SLC24A3: variants seen among roughly 807,000 people sequenced by gnomAD.
SLC24A3 encodes the protein sodium/potassium/calcium exchanger 3.
In SLC24A3, 28 loss-of-function variants were observed where a neutral mutation model predicts 75.8. The observed-to-expected ratio is 0.37, with a 90% CI of 0.27 to 0.51. The LOEUF is 0.51. Among genes scored for constraint, SLC24A3 ranks in the 20% least tolerant of loss-of-function variants. SLC24A3 has a pLI of 0.94. For missense variants in SLC24A3, 663 were observed against 847.8 expected, an observed-to-expected ratio of 0.78 and a Z score of 2.71; for synonymous variants, 372 against 334.1, an observed-to-expected ratio of 1.11 and a Z score of -1.24.
At chr20:19,677,364 A>G (rs937635496) in intron 9 of SLC24A3, among the ~76,000 whole-genome samples, 5 of 151,912 alleles carry the variant, frequency 3.3e-5, no homozygotes, top group South Asian at 2.1e-4. Context: ...CTAAGTCAAG[A>G]TGACAGAAAC....
At position 19,221,101 on chromosome 20, in the gene SLC24A3, A is replaced by C. The variant is rs574389219; in HGVS notation, c.142+8117A>C. ...TAGAGACAGGATCTTGCTGTTGCCT[A>C]GGCTGGAGTGTAGTAGCATGAACAT... On this transcript the variant is annotated intron_variant, in intron 1 of 16. Coordinates refer to ENST00000328041, the MANE Select transcript of SLC24A3 (RefSeq NM_020689.4). 2.2e-4 allele frequency among the ~76,000 whole-genome samples: 33 copies of C among 152,280 alleles called. 1 individual carries two copies. The South Asian group carries it at 6.6e-3, about 31-fold the overall frequency.
chr20:19,614,998 A>T (rs999859672), intron 6 of SLC24A3, among the ~76,000 whole-genome samples: 8 of 152,214 alleles, frequency 5.3e-5, no homozygotes, highest in Non-Finnish European at 7.3e-5. Context: ...TTAAAGCCGT[A>T]ATCTTTTAAG....
intron 2 of SLC24A3, among the ~76,000 whole-genome samples, chr20:19,376,870 G>A (rs961099747): frequency 2.0e-5 from 3 of 152,218 alleles, no homozygotes; most frequent in Non-Finnish European, 4.4e-5. Context: ...GCCGTCACCA[G>A]CGAGCAGTGG....
intron 2 of SLC24A3, among the ~76,000 whole-genome samples, chr20:19,428,143 C>G (rs1371432698): frequency 6.6e-6 from 1 of 152,206 alleles, no homozygotes; most frequent in African/African-American, 2.4e-5. Context: ...AGCCGTCTCT[C>G]CATGCAGTAG....
intron 2 of SLC24A3, among the ~76,000 whole-genome samples, chr20:19,341,775 C>A (rs914016511): frequency 6.6e-6 from 1 of 152,110 alleles, no homozygotes; most frequent in Non-Finnish European, 1.5e-5. Context: ...CTTCATTCTG[C>A]AAATGAAGAA....
chr20:19,660,436 G>A (rs182450418), intron 7 of SLC24A3, among the ~76,000 whole-genome samples: 221 of 152,192 alleles, frequency 1.5e-3, no homozygotes, highest in African/African-American at 5.1e-3. Flanking sequence ...ATGGCCTCCA[G>A]GTCCATCCAA....
chr20:19,720,552 T>TC (rs1302083134), intron 16 of SLC24A3, among the ~76,000 whole-genome samples: 1 of 64,780 alleles, frequency 1.5e-5, no homozygotes, highest in East Asian at 2.4e-3. Flanking sequence ...AGGGAGGAAC[T>TC]TCTCACCTCC....
At chr20:19,459,437 C>T (rs1490979899) in intron 2 of SLC24A3, among the ~76,000 whole-genome samples, 1 of 152,138 alleles carries the variant, frequency 6.6e-6, no homozygotes, top group Non-Finnish European at 1.5e-5. Flanking sequence ...TACTATTCTT[C>T]ACATCTTCTG....
chr20:19,477,998 C>T (rs776548535), intron 2 of SLC24A3, among the ~76,000 whole-genome samples: 11 of 152,196 alleles, frequency 7.2e-5, no homozygotes, highest in Non-Finnish European at 1.6e-4. Context: ...CATCAATTCC[C>T]CCTTTCGAAA....
At chr20:19,667,113 T>C (rs903460049) in intron 8 of SLC24A3, among the ~76,000 whole-genome samples, 2 of 152,200 alleles carry the variant, frequency 1.3e-5, no homozygotes, top group African/African-American at 4.8e-5. Flanking sequence ...TGGGCCTCTC[T>C]GTATCTGAGG....
At chr20:19,376,628 CT>C (rs11087280) in intron 2 of SLC24A3, among the ~76,000 whole-genome samples, 9,847 of 144,394 alleles carry the variant, frequency 0.068, 358 homozygotes, top group African/African-American at 0.12. Flanking sequence ...GTCATTGCCA[CT>C]TTTTTTTTTT....
intron 2 of SLC24A3, among the ~76,000 whole-genome samples, chr20:19,466,418 A>G (rs1418735524): frequency 1.3e-5 from 2 of 152,200 alleles, no homozygotes; most frequent in African/African-American, 4.8e-5. Context: ...CTCTTTTTGC[A>G]GCCAGTGTGC....
chr20:19,496,057 C>T (rs542248061), intron 2 of SLC24A3, among the ~76,000 whole-genome samples: 3 of 152,312 alleles, frequency 2.0e-5, no homozygotes, highest in East Asian at 3.9e-4. Flanking sequence ...CTCTCCCTGC[C>T]GCCTCTCAGT....
intron 2 of SLC24A3, among the ~76,000 whole-genome samples, chr20:19,368,231 C>T (rs905546729): frequency 1.3e-5 from 2 of 152,084 alleles, no homozygotes; most frequent in African/African-American, 2.4e-5. Flanking sequence ...TGGCTGGTGT[C>T]GCTACTGAAG....
intron 3 of SLC24A3, among the ~76,000 whole-genome samples, chr20:19,560,584 CT>C (rs1214964731): frequency 1.3e-5 from 2 of 152,210 alleles, no homozygotes; most frequent in Non-Finnish European, 2.9e-5. Flanking sequence ...GTTTTAAACA[CT>C]GGATCACTGC....
intron 2 of SLC24A3, among the ~76,000 whole-genome samples, chr20:19,439,937 A>T (rs1415717480): frequency 6.6e-6 from 1 of 152,086 alleles, no homozygotes; most frequent in Non-Finnish European, 1.5e-5. Flanking sequence ...TGGGAGGGGG[A>T]TGTTAGTGGC....
rs182798773 is a variant in SLC24A3, at chr20:19,220,821, T to G, written c.142+7837T>G. On this transcript the variant is annotated intron_variant, in intron 1 of 16. Coordinates refer to ENST00000328041, the MANE Select transcript of SLC24A3 (RefSeq NM_020689.4). Reference sequence around the variant, plus strand: ...ATGCTCCCAGTTGTGGCCTGGGCATTGGGATTTTATAAAAAAGTAATACAG... The same window carrying G: ...ATGCTCCCAGTTGTGGCCTGGGCATGGGGATTTTATAAAAAAGTAATACAG... 2.1e-3 allele frequency among the ~76,000 whole-genome samples: 313 copies of G among 152,306 alleles called. 1 individual carries two copies. The highest frequency in any genetic ancestry group is 7.3e-3 in the African/African-American group (305 of 41,568).
intron 2 of SLC24A3, among the ~76,000 whole-genome samples, chr20:19,447,360 C>G (rs1987404459): frequency 6.6e-6 from 1 of 151,972 alleles, no homozygotes; most frequent in Non-Finnish European, 1.5e-5. Context: ...AAGAAGGGTG[C>G]CTAGTGTTGT....
chr20:19,285,172 C>T (rs1041029450), intron 2 of SLC24A3, among the ~76,000 whole-genome samples: 8 of 152,138 alleles, frequency 5.3e-5, no homozygotes, highest in East Asian at 1.9e-4. Flanking sequence ...TTACTTTATA[C>T]ATTTTCTGCT....
Sources: allele counts gnomAD v4.1 joint callset (sites outside exome capture counted in the v4.1 genomes callset), GRCh38; gene constraint gnomAD v4.1.1; transcripts MANE v1.5; gene names NCBI Gene and HGNC (gene_info 2026-07-23, HGNC 2026-07-21).